Variants in GALNT13 observed in about 807,000 individuals in gnomAD.
GALNT13 encodes the protein UDP-GalNAc:polypeptide N-acetylgalactosaminyltransferase 13.
Under a neutral mutation model 64.2 loss-of-function variants are expected in GALNT13, and 28 were observed. The ratio of observed to expected loss-of-function variants is 0.44; its 90% CI spans 0.32 to 0.60. The LOEUF is 0.60. Ranked by LOEUF, GALNT13 falls within the 20% of genes least tolerant of loss-of-function variation. The pLI, the probability that GALNT13 is intolerant of heterozygous loss-of-function variation, is 0.05. For synonymous variants in GALNT13, 214 were observed against 224.6 expected (o/e 0.95, Z 0.42); for missense variants, 577 against 669.8 (o/e 0.86, Z 1.53).
the GALNT13 span, among the ~76,000 whole-genome samples, chr2:153,800,083 T>TCTCTCTCTCTCTCTCTCTCA: frequency 7.6e-6 from 1 of 132,444 alleles, no homozygotes; most frequent in Non-Finnish European, 1.7e-5. Context: ...TCTCTCTCTC[T>TCTCTCTCTCTCTCTCTCTCA]CCACCCCCCA....
At chr2:153,389,240 C>T in the GALNT13 span, among the ~76,000 whole-genome samples, 3 of 152,076 alleles carry the variant, frequency 2.0e-5, no homozygotes, top group Non-Finnish European at 2.9e-5. Flanking sequence ...GAGCTACAGT[C>T]CCCTGCTGAT....
At chr2:153,511,679 G>T in the GALNT13 span, among the ~76,000 whole-genome samples, 11 of 152,320 alleles carry the variant, frequency 7.2e-5, no homozygotes, top group South Asian at 1.2e-3. Context: ...CAGAATAAAT[G>T]AAGTGGATAA....
At position 154,053,137 on chromosome 2, in the gene GALNT13, G is replaced by A. The variant is rs533535917; in HGVS notation, c.143-87200G>A. Among the ~76,000 whole-genome samples the A allele has an allele frequency of 5.3e-5, 8 of 152,234 alleles. No individual in the cohort carries two copies. The South Asian group carries it at 1.7e-3, about 32-fold the overall frequency. On this transcript the variant is annotated intron_variant, in intron 3 of 12. Transcript: ENST00000392825. ...TTTGATAGAAATTCAGTTGAACTTA[G>A]TTCTTAAAGATATCTGACAAACAAC...
At chr2:153,082,846 T>A in the GALNT13 span, among the ~76,000 whole-genome samples, 16 of 147,562 alleles carry the variant, frequency 1.1e-4, no homozygotes, top group East Asian at 3.1e-3. Context: ...TTATTTATTT[T>A]GAGACAGAGT....
intron 8 of GALNT13, among the ~76,000 whole-genome samples, chr2:154,274,562 C>T (rs1055599043): frequency 6.6e-6 from 1 of 152,062 alleles, no homozygotes. Context: ...CTTGGCACTT[C>T]TTGCTTGGCA....
chr2:153,779,881 G>T, the GALNT13 span, among the ~76,000 whole-genome samples: 1 of 152,014 alleles, frequency 6.6e-6, no homozygotes, highest in Non-Finnish European at 1.5e-5. Flanking sequence ...TGAAGTCTCT[G>T]AATAAATCAA....
At chr2:154,199,603 G>A (rs1414715680) in intron 4 of GALNT13, among the ~76,000 whole-genome samples, 11 of 151,946 alleles carry the variant, frequency 7.2e-5, no homozygotes, top group Non-Finnish European at 1.6e-4. Context: ...TTTGACAGTG[G>A]AAGCTAAACA....
chr2:153,697,253 A>T, the GALNT13 span, among the ~76,000 whole-genome samples: 1 of 152,152 alleles, frequency 6.6e-6, no homozygotes, highest in Non-Finnish European at 1.5e-5. Context: ...TCTATTTACA[A>T]TGCCTCCTGT....
chr2:153,766,584 C>A, the GALNT13 span, among the ~76,000 whole-genome samples: 1 of 152,058 alleles, frequency 6.6e-6, no homozygotes, highest in Non-Finnish European at 1.5e-5. Context: ...TGGTTAATTT[C>A]AGATATTCTG....
the GALNT13 span, among the ~76,000 whole-genome samples, chr2:153,552,738 G>A: frequency 6.6e-6 from 1 of 152,032 alleles, no homozygotes; most frequent in African/African-American, 2.4e-5. Context: ...CCAGGGACCA[G>A]TTTCATGGAA....
chr2:153,412,326 TATGTC>T, the GALNT13 span, among the ~76,000 whole-genome samples: 3 of 152,212 alleles, frequency 2.0e-5, 1 homozygote, highest in African/African-American at 7.2e-5. Context: ...GTGATTCAAA[TATGTC>T]AGTTAGCCTC....
chr2:153,270,279 G>A, the GALNT13 span, among the ~76,000 whole-genome samples: 1 of 151,544 alleles, frequency 6.6e-6, no homozygotes, highest in Admixed American at 6.6e-5. Context: ...AGTTCATGGT[G>A]GGCAAGACAA....
rs1473176125 is a variant in GALNT13 at position 154,042,088 on chromosome 2, A to G, written c.142+97449A>G. On this transcript the variant is annotated intron_variant, in intron 3 of 12. Coordinates refer to ENST00000392825, the MANE Select transcript of GALNT13 (RefSeq NM_052917.4). ...AAAAATCACAAGTGATGTTCTTTTT[A>G]TACAGTATCTATGTCTTTATCAAGT... Among the ~76,000 whole-genome samples the G allele has an allele frequency of 2.1e-5, 3 of 140,532 alleles. 1 individual carries two copies. The highest frequency in any genetic ancestry group is 2.3e-4 in the South Asian group (1 of 4,392). 92.2% of individuals were successfully genotyped at this position (140,532 alleles called of 152,430 possible).
chr2:153,571,893 G>A, the GALNT13 span, among the ~76,000 whole-genome samples: 1 of 151,576 alleles, frequency 6.6e-6, no homozygotes, highest in African/African-American at 2.4e-5. Context: ...ATCAGATATT[G>A]GCTTGGAGTT....
chr2:154,418,030 ATC>A (rs1173178813), intron 11 of GALNT13, among the ~76,000 whole-genome samples: 1 of 152,086 alleles, frequency 6.6e-6, no homozygotes, highest in African/African-American at 2.4e-5. Flanking sequence ...TCATTATCCT[ATC>A]TGCAAAAATA....
At chr2:153,652,750 T>G in the GALNT13 span, among the ~76,000 whole-genome samples, 189 of 152,334 alleles carry the variant, frequency 1.2e-3, 1 homozygote, top group African/African-American at 4.1e-3. Context: ...TCATATGTAT[T>G]TAGAAATTCT....
At chr2:153,554,470 T>C in the GALNT13 span, among the ~76,000 whole-genome samples, 1 of 152,344 alleles carries the variant, frequency 6.6e-6, no homozygotes, top group East Asian at 1.9e-4. Context: ...TAGGTCTGAT[T>C]GTGTCATGCA....
At chr2:154,089,110 A>G (rs1701672931) in intron 3 of GALNT13, among the ~76,000 whole-genome samples, 1 of 152,046 alleles carries the variant, frequency 6.6e-6, no homozygotes, top group South Asian at 2.1e-4. Context: ...ATTATTATTC[A>G]GAGTGCCTTC....
the GALNT13 span, among the ~76,000 whole-genome samples, chr2:153,431,414 G>A: frequency 1.3e-5 from 2 of 152,124 alleles, no homozygotes; most frequent in African/African-American, 4.8e-5. Flanking sequence ...CTAAAATTGA[G>A]CTTGTCAATA....
Sources: allele counts gnomAD v4.1 joint callset (sites outside exome capture counted in the v4.1 genomes callset), GRCh38; gene constraint gnomAD v4.1.1; transcripts MANE v1.5; gene names NCBI Gene and HGNC (gene_info 2026-07-23, HGNC 2026-07-21).